The following MEGF11 variants were observed in gnomAD, a reference collection of about 807,000 sequenced individuals.
The protein encoded by MEGF11 is multiple EGF like domains 11.
A neutral mutation model predicts 146.6 loss-of-function variants in MEGF11; 126 were observed. The ratio of observed to expected loss-of-function variants is 0.86; its 90% CI spans 0.74 to 1.00. The LOEUF (loss-of-function observed/expected upper bound fraction) is 1.00. MEGF11 is among the 50% of genes least tolerant of loss of function. The probability of loss-of-function intolerance (pLI) is 0.00; values close to 1 mark genes in which losing one functional copy is unlikely to be tolerated. For synonymous variants in MEGF11, 532 were observed against 583.4 expected (o/e 0.91, Z 1.27); for missense variants, 1,509 against 1,521.2 (o/e 0.99, Z 0.13).
intron 13 of MEGF11, among the ~76,000 whole-genome samples, chr15:65,924,392 T>C (rs900231860): frequency 4.1e-5 from 6 of 146,444 alleles, no homozygotes; most frequent in Non-Finnish European, 9.0e-5. Flanking sequence ...GGGCAAGTGG[T>C]TTCCTCCCCA....
At chr15:65,967,473 A>G (rs575385759) in intron 8 of MEGF11, among the ~76,000 whole-genome samples, 4 of 152,210 alleles carry the variant, frequency 2.6e-5, no homozygotes, top group Non-Finnish European at 4.4e-5. Context: ...CTTCTTTATT[A>G]TGTATTTTGG....
chr15:65,924,624 CTT>C (rs573572484), intron 13 of MEGF11, among the ~76,000 whole-genome samples: 13 of 111,606 alleles, frequency 1.2e-4, no homozygotes, highest in South Asian at 3.1e-4. Flanking sequence ...TGCCATAAGG[CTT>C]TTTTTTTTTT....
intron 1 of MEGF11, among the ~76,000 whole-genome samples, chr15:66,202,899 C>G (rs2140098181): frequency 6.6e-6 from 1 of 152,312 alleles, no homozygotes; most frequent in African/African-American, 2.4e-5. Context: ...CTTATTTCAG[C>G]CGTGCTGACC....
chr15:66,113,433 G>A (rs536759396), intron 4 of MEGF11, among the ~76,000 whole-genome samples: 5 of 152,290 alleles, frequency 3.3e-5, no homozygotes, highest in African/African-American at 1.2e-4. Context: ...CATTTGCCGG[G>A]GGGAAACTAT....
chr15:66,045,156 C>G (rs961080136), intron 5 of MEGF11, among the ~76,000 whole-genome samples: 8 of 152,154 alleles, frequency 5.3e-5, no homozygotes, highest in African/African-American at 1.7e-4. Flanking sequence ...AGGCAGCTTC[C>G]CAGGGCGGTT....
At chr15:66,046,380 C>T (rs2084203974) in intron 5 of MEGF11, among the ~76,000 whole-genome samples, 2 of 152,190 alleles carry the variant, frequency 1.3e-5, no homozygotes, top group South Asian at 4.1e-4. Context: ...AAGCACACCC[C>T]AGACTCCAGA....
intron 1 of MEGF11, among the ~76,000 whole-genome samples, chr15:66,245,970 A>G (rs545946500): frequency 3.3e-5 from 5 of 152,124 alleles, no homozygotes; most frequent in African/African-American, 1.2e-4. Context: ...CATCCTAAAA[A>G]CAAAAGGCAG....
chr15:66,241,481 G>A (rs1035616908), intron 1 of MEGF11, among the ~76,000 whole-genome samples: 5 of 152,182 alleles, frequency 3.3e-5, no homozygotes, highest in Admixed American at 2.6e-4. Flanking sequence ...ATGCAAACAC[G>A]AATGCAAATG....
intron 13 of MEGF11, among the ~76,000 whole-genome samples, chr15:65,927,093 T>G (rs954071331): frequency 6.6e-6 from 1 of 152,212 alleles, no homozygotes; most frequent in Non-Finnish European, 1.5e-5. Flanking sequence ...TCTTTGCTGC[T>G]CATCACCTTG....
chr15:66,065,665 G>A (rs1039474627), intron 5 of MEGF11, among the ~76,000 whole-genome samples: 1 of 152,242 alleles, frequency 6.6e-6, no homozygotes, highest in Admixed American at 6.5e-5. Flanking sequence ...ACTGCCGAGT[G>A]TGGCTTAATG....
At chr15:66,132,985 ACT>A (rs2088716636) in intron 1 of MEGF11, among the ~76,000 whole-genome samples, 1 of 151,876 alleles carries the variant, frequency 6.6e-6, no homozygotes, top group African/African-American at 2.4e-5. Flanking sequence ...CTGATTACTG[ACT>A]CTGCAGCCAA....
chr15:65,940,721 T>C (rs913210009), intron 10 of MEGF11, among the ~76,000 whole-genome samples: 1 of 152,226 alleles, frequency 6.6e-6, no homozygotes, highest in Non-Finnish European at 1.5e-5. Flanking sequence ...CCTGCCTTCC[T>C]ATGCTGAGGG....
At chr15:66,177,048 G>A (rs2141135269) in intron 1 of MEGF11, among the ~76,000 whole-genome samples, 2 of 152,322 alleles carry the variant, frequency 1.3e-5, no homozygotes, top group African/African-American at 4.8e-5. Flanking sequence ...TGGGCGTAGA[G>A]GAGAAAGAGT....
At chr15:65,967,668 G>A (rs186729) in intron 8 of MEGF11, among the ~76,000 whole-genome samples, 109,241 of 151,800 alleles carry the variant, frequency 0.72, 40,490 homozygotes, top group Middle Eastern at 0.84. Flanking sequence ...ACTTGAGACT[G>A]GGGTGTCCTT....
At chr15:66,105,846 G>A (rs553888203) in intron 4 of MEGF11, among the ~76,000 whole-genome samples, 1 of 152,356 alleles carries the variant, frequency 6.6e-6, no homozygotes, top group Non-Finnish European at 1.5e-5. Flanking sequence ...TGGATCAACA[G>A]AGGCCAAGGC....
At chr15:66,247,585 T>C (rs371609351) in intron 1 of MEGF11, among the ~76,000 whole-genome samples, 8 of 152,266 alleles carry the variant, frequency 5.3e-5, no homozygotes, top group Admixed American at 2.0e-4. Context: ...TCAAGGTTGT[T>C]CTAGGCCAAG....
intron 5 of MEGF11, among the ~76,000 whole-genome samples, chr15:66,017,026 CA>C (rs2082911492): frequency 6.6e-6 from 1 of 152,314 alleles, no homozygotes; most frequent in Admixed American, 6.5e-5. Context: ...GGATGTTGGA[CA>C]GGGGTTATTT....
At chr15:66,172,887 T>C (rs1484127027) in intron 1 of MEGF11, among the ~76,000 whole-genome samples, 2 of 152,224 alleles carry the variant, frequency 1.3e-5, no homozygotes, top group East Asian at 1.9e-4. Flanking sequence ...TCCAGTCTTT[T>C]GACTCTGTCT....
intron 1 of MEGF11, among the ~76,000 whole-genome samples, chr15:66,215,240 G>A (rs7182566): frequency 0.13 from 20,067 of 151,746 alleles, 1,706 homozygotes; most frequent in African/African-American, 0.25. Flanking sequence ...TTGTATCTTC[G>A]CATTGGTCTC....
Sources: allele counts gnomAD v4.1 joint callset (sites outside exome capture counted in the v4.1 genomes callset), GRCh38; gene constraint gnomAD v4.1.1; transcripts MANE v1.5; gene names NCBI Gene and HGNC (gene_info 2026-07-23, HGNC 2026-07-21).